EPB41L3: variants seen among roughly 807,000 people sequenced by gnomAD.
EPB41L3 encodes erythrocyte membrane protein band 4.1 like 3, also known as band 4.1-like protein 3.
In EPB41L3, 57 loss-of-function variants were observed where a neutral mutation model predicts 127.1. The observed-to-expected ratio is 0.45, with a 90% CI of 0.36 to 0.56. The LOEUF (loss-of-function observed/expected upper bound fraction) is 0.56. Among genes scored for constraint, EPB41L3 ranks in the 20% least tolerant of loss-of-function variants. The probability of loss-of-function intolerance (pLI) is 0.00; values close to 1 mark genes in which losing one functional copy is unlikely to be tolerated. For synonymous variants in EPB41L3, 572 were observed against 549.5 expected (o/e 1.04, Z -0.57); for missense variants, 1,273 against 1,372.2 (o/e 0.93, Z 1.14).
At chr18:5,615,896 G>A (rs914831961) in intron 1 of EPB41L3, among the ~76,000 whole-genome samples, 2 of 152,082 alleles carry the variant, frequency 1.3e-5, no homozygotes, top group African/African-American at 2.4e-5. Flanking sequence ...TCACAGGCCT[G>A]AAATCCCCTC....
chr18:5,586,159 T>C (rs1202504789), intron 3 of EPB41L3, among the ~76,000 whole-genome samples: 2 of 152,332 alleles, frequency 1.3e-5, no homozygotes, highest in African/African-American at 2.4e-5. Context: ...ATGGTCCTAA[T>C]TGATACATCC....
At chr18:5,608,070 C>T (rs1232492742) in intron 3 of EPB41L3, among the ~76,000 whole-genome samples, 1 of 152,000 alleles carries the variant, frequency 6.6e-6, no homozygotes, top group Non-Finnish European at 1.5e-5. Flanking sequence ...TGTTCATCCA[C>T]AATATTAGAC....
intron 1 of EPB41L3, chr18:5,521,196 C>T (rs1389548755): frequency 6.6e-6 from 1 of 152,182 alleles, no homozygotes; most frequent in African/African-American, 2.4e-5. Context: ...CAATGATTTG[C>T]TTTGTAAGCA....
At chr18:5,553,220 A>T (rs918938156) in intron 3 of EPB41L3, among the ~76,000 whole-genome samples, 2 of 152,186 alleles carry the variant, frequency 1.3e-5, no homozygotes, top group Admixed American at 6.5e-5. Flanking sequence ...TATTATTGTT[A>T]ACTTGTATTT....
rs1327054465 is a variant in EPB41L3, at chr18:5,396,252, T to G, written c.2922A>C (p.Glu974Asp). ...TGGTTTCGGTGTGAACTACTGGCAC[T>G]TCCTTCGTGGAAATTTCTAGCTTTA... is the stretch of plus-strand genomic sequence containing the variant. The part of the protein sequence containing the change: ...GGVKLEISTK[E>D]VPVVHTETKT... The change falls in exon 19 of 23, where the codon GAA (glutamate) becomes GAC (aspartate). Residue 974 changes from glutamate to aspartate, a missense_variant. This residue lies in a region of EPB41L3 where 765 missense variants were observed against 782.9 expected (regional missense o/e 0.98). Coordinates refer to ENST00000341928, the MANE Select transcript of EPB41L3 (RefSeq NM_012307.5). The G allele has an allele frequency of 1.2e-5, 20 of 1,614,124 alleles. No individual in the cohort carries two copies. Among genetic ancestry groups the G allele is most frequent in the Non-Finnish European group, 1.5e-5 (18 of 1,180,042 alleles).
At chr18:5,415,168 G>A (rs542998001) in intron 13 of EPB41L3, among the ~76,000 whole-genome samples, 6 of 152,326 alleles carry the variant, frequency 3.9e-5, no homozygotes, top group Non-Finnish European at 7.3e-5. Flanking sequence ...ACTGCATGCC[G>A]TTGCTTCTGG....
intron 2 of EPB41L3, among the ~76,000 whole-genome samples, chr18:5,612,874 G>T (rs2094744744): frequency 2.0e-5 from 3 of 152,132 alleles, no homozygotes; most frequent in Non-Finnish European, 2.9e-5. Flanking sequence ...CTGAGTAGCT[G>T]GGACTACAGG....
chr18:5,487,612 C>T (rs939493979), intron 2 of EPB41L3, among the ~76,000 whole-genome samples: 2 of 151,208 alleles, frequency 1.3e-5, no homozygotes, highest in Non-Finnish European at 2.9e-5. Context: ...GTGCCTCAGC[C>T]TCCCTAACAG....
intron 1 of EPB41L3, among the ~76,000 whole-genome samples, chr18:5,513,683 T>C (rs942701909): frequency 6.6e-6 from 1 of 152,242 alleles, no homozygotes; most frequent in Non-Finnish European, 1.5e-5. Context: ...ATATTAATCA[T>C]ATCAGCAAAA....
chr18:5,413,265 T>A (rs1447773006), intron 13 of EPB41L3, among the ~76,000 whole-genome samples: 1 of 152,164 alleles, frequency 6.6e-6, no homozygotes, highest in African/African-American at 2.4e-5. Context: ...CATTTTATGG[T>A]TTGGGGAGGT....
intron 3 of EPB41L3, among the ~76,000 whole-genome samples, chr18:5,595,401 C>T (rs1277389116): frequency 6.6e-6 from 1 of 152,144 alleles, no homozygotes; most frequent in Non-Finnish European, 1.5e-5. Context: ...CCCCAGAAGC[C>T]AGGAATACAC....
Position 5,394,779 on chromosome 18 carries a change from T to C in EPB41L3, c.3168A>G (p.Ala1056=), listed in dbSNP as rs1205390158. 6.2e-7 allele frequency: 1 copy of C among 1,614,016 alleles called. No homozygotes were observed. Among genetic ancestry groups the C allele is most frequent in the Admixed American group, 1.7e-5 (1 of 60,000 alleles). The change falls in exon 22 of 23, where the codon GCA becomes GCG. Residue 1056 remains alanine (A), a synonymous_variant. Transcript: ENST00000341928. ...DIDHDQALAQ[A]IKEAKEQHPD... is the part of the protein sequence containing the mutation. Reference sequence around the variant, plus strand: ...GGTGCTGCTCTTTGGCCTCTTTAATTGCCTGAGCCAGCGCCTATCCCCGGG... The same window carrying C: ...GGTGCTGCTCTTTGGCCTCTTTAATCGCCTGAGCCAGCGCCTATCCCCGGG...
chr18:5,562,659 G>A (rs2094148756), intron 3 of EPB41L3, among the ~76,000 whole-genome samples: 1 of 152,200 alleles, frequency 6.6e-6, no homozygotes, highest in Non-Finnish European at 1.5e-5. Context: ...GTTAACCATG[G>A]TGGTGGTGAT....
intron 1 of EPB41L3, among the ~76,000 whole-genome samples, chr18:5,508,834 T>C (rs1016140861): frequency 3.3e-5 from 5 of 150,738 alleles, no homozygotes; most frequent in African/African-American, 1.2e-4. Flanking sequence ...ATTACTTAAG[T>C]CTGGTAGCAA....
intron 9 of EPB41L3, among the ~76,000 whole-genome samples, chr18:5,424,827 T>C (rs2077937645): frequency 6.6e-6 from 1 of 152,228 alleles, no homozygotes; most frequent in African/African-American, 2.4e-5. Flanking sequence ...GAAATATGTG[T>C]ATTTCTTAGG....
chr18:5,618,006 T>C (rs1382352184), intron 1 of EPB41L3, among the ~76,000 whole-genome samples: 1 of 152,218 alleles, frequency 6.6e-6, no homozygotes, highest in African/African-American at 2.4e-5. Flanking sequence ...ATATTAATAC[T>C]GCAGTTCCAA....
intron 21 of EPB41L3, 111 bp from the exon 22 acceptor site, chr18:5,394,904 A>G: frequency 8.3e-7 from 1 of 1,200,060 alleles, no homozygotes; most frequent in Non-Finnish European, 1.2e-6. Context: ...TTTACAAATG[A>G]GGTACAATGA....
At chr18:5,595,289 A>G (rs2094526043) in intron 3 of EPB41L3, among the ~76,000 whole-genome samples, 1 of 152,188 alleles carries the variant, frequency 6.6e-6, no homozygotes, top group South Asian at 2.1e-4. Flanking sequence ...ATTCCACTTC[A>G]TCTCCTTCAA....
chr18:5,628,133 T>C (rs1022345303), intron 1 of EPB41L3, among the ~76,000 whole-genome samples: 16 of 152,206 alleles, frequency 1.1e-4, no homozygotes, highest in Non-Finnish European at 1.5e-4. Context: ...AATTACAGCC[T>C]GGGAGGGGCA....
Sources: gnomAD v4.1 joint callset for allele counts (sites outside exome capture counted in the v4.1 genomes callset) on GRCh38, gnomAD v4.1.1 for gene constraint, gnomAD v4.1.1 regional missense constraint, MANE v1.5 for transcripts, NCBI Gene and HGNC (gene_info 2026-07-23, HGNC 2026-07-21) for gene names.